TSPAN5: variants seen among roughly 807,000 people sequenced by gnomAD.
TSPAN5 encodes tetraspanin 5.
In TSPAN5, 10 loss-of-function variants were observed where a neutral mutation model predicts 37.1. That is an observed-to-expected ratio of 0.27 (90% CI 0.17 to 0.46). The LOEUF (loss-of-function observed/expected upper bound fraction) is 0.46. Ranked by LOEUF, TSPAN5 falls within the 20% of genes least tolerant of loss-of-function variation. TSPAN5 has a pLI of 1.00. For synonymous variants in TSPAN5, 110 were observed against 118.9 expected (o/e 0.93, Z 0.48); for missense variants, 195 against 326.6 (o/e 0.60, Z 3.11).
chr4:98,604,771 T>C (rs1004591909), intron 1 of TSPAN5, among the ~76,000 whole-genome samples: 1 of 152,202 alleles, frequency 6.6e-6, no homozygotes, highest in African/African-American at 2.4e-5. Flanking sequence ...ACTGAGCACA[T>C]ACTACAGTCT....
intron 1 of TSPAN5, among the ~76,000 whole-genome samples, chr4:98,655,636 A>G (rs2110296493): frequency 6.6e-6 from 1 of 152,356 alleles, no homozygotes; most frequent in Middle Eastern, 3.4e-3. Context: ...TCTCTTCTTC[A>G]TAATTGTATG....
chr4:98,604,634 C>A (rs192785118), intron 1 of TSPAN5, among the ~76,000 whole-genome samples: 1 of 152,080 alleles, frequency 6.6e-6, no homozygotes, highest in Non-Finnish European at 1.5e-5. Flanking sequence ...TTAAGATGTA[C>A]GAACAAACTA....
At chr4:98,584,946 T>C (rs1755452287) in intron 1 of TSPAN5, among the ~76,000 whole-genome samples, 1 of 152,166 alleles carries the variant, frequency 6.6e-6, no homozygotes, top group Non-Finnish European at 1.5e-5. Context: ...CACTGTGTCC[T>C]CCTTCCACCG....
intron 2 of TSPAN5, among the ~76,000 whole-genome samples, chr4:98,497,493 T>C (rs1158997132): frequency 6.6e-6 from 1 of 152,126 alleles, no homozygotes; most frequent in East Asian, 1.9e-4. Flanking sequence ...GAAATGTTTG[T>C]TATTTAAGCC....
intron 1 of TSPAN5, among the ~76,000 whole-genome samples, chr4:98,526,111 G>A (rs1753954694): frequency 1.3e-5 from 2 of 152,122 alleles, no homozygotes; most frequent in Non-Finnish European, 2.9e-5. Flanking sequence ...TGCTGCAAAG[G>A]TCCAAGGTTT....
chr4:98,580,809 A>G (rs1199449742), intron 1 of TSPAN5, among the ~76,000 whole-genome samples: 1 of 152,210 alleles, frequency 6.6e-6, no homozygotes, highest in Non-Finnish European at 1.5e-5. Context: ...AGACCCGTAC[A>G]GGAAGAAGAC....
intron 1 of TSPAN5, among the ~76,000 whole-genome samples, chr4:98,563,698 TG>T (rs1371662918): frequency 6.6e-6 from 1 of 152,228 alleles, no homozygotes; most frequent in Non-Finnish European, 1.5e-5. Flanking sequence ...CATAAGTAAC[TG>T]AACAGCTGTA....
intron 1 of TSPAN5, among the ~76,000 whole-genome samples, chr4:98,653,164 T>C (rs1462555705): frequency 6.6e-6 from 1 of 152,180 alleles, no homozygotes; most frequent in East Asian, 1.9e-4. Flanking sequence ...AAAACAAAAA[T>C]TATGACTTAT....
At chr4:98,585,308 C>T (rs1755462169) in intron 1 of TSPAN5, among the ~76,000 whole-genome samples, 1 of 151,060 alleles carries the variant, frequency 6.6e-6, no homozygotes, top group South Asian at 2.1e-4. Flanking sequence ...GTCTATTATT[C>T]CACTCTCTCT....
chr4:98,497,987 G>A (rs1386500630), intron 2 of TSPAN5, among the ~76,000 whole-genome samples: 1 of 152,214 alleles, frequency 6.6e-6, no homozygotes, highest in African/African-American at 2.4e-5. Flanking sequence ...GAAGCTCCAG[G>A]CCATTTCTGA....
At chr4:98,473,823 T>C (rs1478912161) in intron 7 of TSPAN5, among the ~76,000 whole-genome samples, 1 of 152,152 alleles carries the variant, frequency 6.6e-6, no homozygotes, top group Admixed American at 6.5e-5. Context: ...TTTGCTCTGT[T>C]GCCCAGGCTG....
chr4:98,476,408 C>T lies in TSPAN5; in HGVS notation c.624+5G>A. 1 of 1,614,210 alleles carries T rather than the reference C, an allele frequency of 6.2e-7. No individual in the cohort carries two copies. On this transcript the variant is annotated splice_donor_5th_base_variant and intron_variant, in intron 6 of 7. Coordinates refer to ENST00000305798, the MANE Select transcript of TSPAN5 (RefSeq NM_005723.4). ...TGCTAAGCAACAACATGAGATTCCACTTACTGGTTTTTGCCTGGCATCATA... is the reference window on the plus strand; with the variant it reads ...TGCTAAGCAACAACATGAGATTCCATTTACTGGTTTTTGCCTGGCATCATA...
intron 1 of TSPAN5, among the ~76,000 whole-genome samples, chr4:98,655,501 C>A (rs1163668766): frequency 6.6e-6 from 1 of 152,242 alleles, no homozygotes; most frequent in African/African-American, 2.4e-5. Context: ...GCTCTCAGTG[C>A]TGGTGCCACC....
Position 98,478,690 on chromosome 4 carries a change from G to A in TSPAN5, c.571C>T (p.Pro191Ser). 1 of 1,614,130 alleles carries A rather than the reference G, an allele frequency of 6.2e-7. No homozygotes were observed. Among genetic ancestry groups the A allele is most frequent in the Non-Finnish European group, 8.5e-7 (1 of 1,180,028 alleles). Residue 191 changes from proline to serine, a missense_variant, in exon 5 of 8, where the codon CCC becomes TCC. Physicochemically the swap from Pro to Ser is moderately conservative, Grantham distance 74. Coordinates refer to ENST00000305798, the MANE Select transcript of TSPAN5 (RefSeq NM_005723.4). ...GVPFSCCTKD[P>S]AEDVINTQCG... ...GTTCGCTGGCATTCACTTACTGCGG[G>A]ATCTTTAGTGCAGCAGGAGAATGGA... is the stretch of plus-strand genomic sequence containing the variant.
chr4:98,573,051 C>T (rs935535410), intron 1 of TSPAN5, among the ~76,000 whole-genome samples: 4 of 152,206 alleles, frequency 2.6e-5, no homozygotes, highest in African/African-American at 4.8e-5. Context: ...AAATGCTACA[C>T]GTTTCTTATG....
chr4:98,544,342 C>T (rs1481775668), intron 1 of TSPAN5, among the ~76,000 whole-genome samples: 1 of 152,234 alleles, frequency 6.6e-6, no homozygotes, highest in Non-Finnish European at 1.5e-5. Flanking sequence ...GGCAGACACA[C>T]TTCACCATCT....
chr4:98,541,822 T>C (rs1326688828), intron 1 of TSPAN5, among the ~76,000 whole-genome samples: 1 of 152,132 alleles, frequency 6.6e-6, no homozygotes, highest in African/African-American at 2.4e-5. Flanking sequence ...TGTTGGGATA[T>C]GCAGGGGATA....
In TSPAN5 at chr4:98,624,425, G is replaced by A. The variant is rs534739236; in HGVS notation, c.81+33721C>T. Among the ~76,000 whole-genome samples, 13 of 151,922 alleles carry A rather than the reference G, an allele frequency of 8.6e-5. No homozygotes were observed. The South Asian group carries it at 2.7e-3, about 32-fold the overall frequency. ...CAAGAATGAAAGTAATGGTTTCCCAGAGGAAAAAAAAATACGTATTAACAT... is the reference window on the plus strand; with the variant it reads ...CAAGAATGAAAGTAATGGTTTCCCAAAGGAAAAAAAAATACGTATTAACAT... On this transcript the variant is annotated intron_variant, in intron 1 of 7. Coordinates refer to ENST00000305798, the MANE Select transcript of TSPAN5 (RefSeq NM_005723.4).
At chr4:98,484,411 G>A (rs1487955866) in intron 3 of TSPAN5, 1 of 455,818 alleles carries the variant, frequency 2.2e-6, no homozygotes, top group South Asian at 1.6e-5. Flanking sequence ...TCTGTTCGAA[G>A]ATTATTCCAG....
Sources: allele counts gnomAD v4.1 joint callset (sites outside exome capture counted in the v4.1 genomes callset), GRCh38; gene constraint gnomAD v4.1.1; transcripts MANE v1.5; gene names NCBI Gene and HGNC (gene_info 2026-07-23, HGNC 2026-07-21).